Variants in PABPC4 observed in about 807,000 individuals in gnomAD.
PABPC4 encodes poly(A) binding protein cytoplasmic 4.
In PABPC4, 15 loss-of-function variants were observed where a neutral mutation model predicts 74.5. That is an observed-to-expected ratio of 0.20 (90% CI 0.13 to 0.31). The LOEUF is 0.31. PABPC4 is among the 10% of genes least tolerant of loss of function. The pLI, the probability that PABPC4 is intolerant of heterozygous loss-of-function variation, is 1.00. For missense variants in PABPC4, 610 were observed against 853.5 expected, an observed-to-expected ratio of 0.71 and a Z score of 3.55; for synonymous variants, 345 against 303.0, an observed-to-expected ratio of 1.14 and a Z score of -1.44.
chr1:39,569,175 G>C (rs1645897518), intron 5 of PABPC4, among the ~76,000 whole-genome samples: 1 of 152,216 alleles, frequency 6.6e-6, no homozygotes, highest in South Asian at 2.1e-4. Context: ...CAAGTGTGCT[G>C]ACATGAGCCT....
intron 5 of PABPC4, 61 bp downstream of exon 5, chr1:39,569,530 AAGAC>A: frequency 8.7e-7 from 1 of 1,148,116 alleles, no homozygotes; most frequent in Non-Finnish European, 1.3e-6. Context: ...AGGTGCTAGC[AAGAC>A]CCTACCCATA....
chr1:39,568,154 G>C, intron 6 of PABPC4: 1 of 234,746 alleles, frequency 4.3e-6, no homozygotes, highest in Non-Finnish European at 8.3e-6. Context: ...CTACTCAGGA[G>C]GCTAAGGCAG....
chr1:39,575,078 C>T (rs1412517097), intron 1 of PABPC4, among the ~76,000 whole-genome samples: 1 of 152,212 alleles, frequency 6.6e-6, no homozygotes, highest in Non-Finnish European at 1.5e-5. Flanking sequence ...TCAAGTGACG[C>T]TTCCCTAAAC....
Position 39,576,155 on chromosome 1 carries a change from G to A in PABPC4, c.-204C>T, listed in dbSNP as rs1646023414. 1 of 502,542 alleles carries A rather than the reference G, an allele frequency of 2.0e-6. No individual in the cohort carries two copies. Among genetic ancestry groups the A allele is most frequent in the Non-Finnish European group, 3.5e-6 (1 of 284,566 alleles). The allele number at this position is 502,542 out of a possible 1,614,324, so 31.1% of individuals were successfully genotyped here. ...CGGCTCCCACGGCCGCAGCACCGCA[G>A]ACAAAAGGCTCTCCGCACAATACGG... On this transcript the variant is annotated 5_prime_UTR_variant, in exon 1 of 16. Coordinates refer to ENST00000372858, the MANE Select transcript of PABPC4 (RefSeq NM_001135653.2).
At chr1:39,574,934 C>T (rs1049870493) in intron 1 of PABPC4, among the ~76,000 whole-genome samples, 1 of 152,268 alleles carries the variant, frequency 6.6e-6, no homozygotes, top group South Asian at 2.1e-4. Context: ...TGCTGGGAGT[C>T]CTAACTTGGC....
chr1:39,563,473 G>T, intron 12 of PABPC4, 141 bp downstream of exon 12: 1 of 1,088,832 alleles, frequency 9.2e-7, no homozygotes, highest in Non-Finnish European at 1.3e-6. Flanking sequence ...CCCCTGAAGG[G>T]CAGGGACAGT....
Position 39,576,067 on chromosome 1 carries a change from G to A in PABPC4, c.-116C>T. ...GCGCCGCGGCTCACAGGTGGCACCG[G>A]CGCGGCGAGGACGAGCTGGAGTCGG... On this transcript the variant is annotated 5_prime_UTR_variant, in exon 1 of 16. Transcript: ENST00000372858. 1.5e-6 allele frequency: 1 copy of A among 687,884 alleles called. No homozygotes were observed. Among genetic ancestry groups the A allele is most frequent in the East Asian group, 3.3e-5 (1 of 30,260 alleles). 42.6% of individuals were successfully genotyped at this position (687,884 alleles called of 1,614,324 possible).
rs9820 is a variant in PABPC4 at position 39,565,206 on chromosome 1, T to C, written c.1145A>G (p.Tyr382Cys). Reference protein sequence around the residue: ...EERKAHLTNQYMQRVAGMRAL... With the variant: ...EERKAHLTNQCMQRVAGMRAL... Reference sequence around the variant, plus strand: ...TCTCATTCCAGCCACTCGTTGCATATACTGGTTGGTCAGGTGAGCCTTTCT... The same window carrying C: ...TCTCATTCCAGCCACTCGTTGCATACACTGGTTGGTCAGGTGAGCCTTTCT... The change falls in exon 8 of 16, where the codon TAT becomes TGT. Residue 382 changes from tyrosine to cysteine, a missense_variant. By Grantham distance (194) the Tyr-to-Cys change is radical. Around this residue, in one of 4 missense-constraint regions of PABPC4, gnomAD observed 277 missense variants for 301.8 expected, o/e 0.92. Transcript: ENST00000372858. 1 of 1,614,204 alleles carries C rather than the reference T, an allele frequency of 6.2e-7. No individual in the cohort carries two copies. Among genetic ancestry groups the C allele is most frequent in the Non-Finnish European group, 8.5e-7 (1 of 1,180,030 alleles).
At chr1:39,566,674 G>A (rs1177198683) in intron 7 of PABPC4, among the ~76,000 whole-genome samples, 1 of 152,156 alleles carries the variant, frequency 6.6e-6, no homozygotes, top group African/African-American at 2.4e-5. Context: ...GGGCCAGTAA[G>A]GTATGTGAAT....
chr1:39,572,668 G>A, intron 1 of PABPC4, 82 bp from the exon 2 acceptor site: 1 of 1,044,374 alleles, frequency 9.6e-7, no homozygotes, highest in Non-Finnish European at 1.4e-6. Context: ...ATTACTCCAG[G>A]ACTTTTCAAG....
At chr1:39,567,906 T>G (rs1362512502) in intron 6 of PABPC4, 60 bp from the exon 7 acceptor site, 1 of 1,026,072 alleles carries the variant, frequency 9.7e-7, no homozygotes, top group Admixed American at 2.0e-5. Context: ...CCTAAGAAAG[T>G]GGTTCCCCAA....
Position 39,564,733 on chromosome 1 carries a change from G to T in PABPC4, c.1286C>A (p.Ala429Glu). Residue 429 changes from alanine (A) to glutamate (E), a missense_variant, in exon 9 of 16, where the codon GCA becomes GAA. Ala to Glu is a moderately radical substitution (Grantham distance 107, BLOSUM62 -1). Around this residue, in one of 4 missense-constraint regions of PABPC4, gnomAD observed 277 missense variants for 301.8 expected, o/e 0.92. Coordinates refer to ENST00000372858, the MANE Select transcript of PABPC4 (RefSeq NM_001135653.2). ...RPPYYTPNQL[A>E]QMRPNPRWQQ... ...CCAGCGTGGATTAGGCCTCATCTGT[G>T]CTAACTGGTTAGGTGTATAATATGG... 6.2e-7 allele frequency: 1 copy of T among 1,614,128 alleles called. No individual in the cohort carries two copies. Among genetic ancestry groups the T allele is most frequent in the Non-Finnish European group, 8.5e-7 (1 of 1,180,014 alleles).
At chr1:39,565,039 C>T (rs1315671433) in intron 8 of PABPC4, 67 bp downstream of exon 8, 45 of 1,547,122 alleles carry the variant, frequency 2.9e-5, no homozygotes, top group Admixed American at 1.0e-4. Flanking sequence ...AAATCCCTCT[C>T]CCCAACCACT....
rs186881656 is a variant in PABPC4, at chr1:39,561,029, A to G, written c.*107T>C. 318 of 410,148 alleles carry G rather than the reference A, an allele frequency of 7.8e-4. No individual in the cohort carries two copies. Among genetic ancestry groups the G allele is most frequent in the Non-Finnish European group, 1.2e-3 (239 of 195,566 alleles). 25.4% of individuals were successfully genotyped at this position (410,148 alleles called of 1,614,324 possible). A position where few individuals can be genotyped will look rare whatever the true frequency, so the allele number is the denominator to read the frequency against. The stretch of plus-strand genomic sequence containing the variant: ...TACAAAATGACCTATTAAATTTGCA[A>G]TTTGTAATCCTTGGTGTTGAGGTCC... On this transcript the variant is annotated 3_prime_UTR_variant, in exon 16 of 16. Transcript: ENST00000372858.
At chr1:39,562,758 A>G in intron 12 of PABPC4, 1 of 227,190 alleles carries the variant, frequency 4.4e-6, no homozygotes, top group Non-Finnish European at 8.6e-6. Context: ...CTTGATATAA[A>G]TAAGGGTAAA....
rs1354606228 is a variant in PABPC4, at chr1:39,564,557, AAT to A, written c.1334-17_1334-16del. On this transcript the variant is annotated splice_polypyrimidine_tract_variant and intron_variant, in intron 9 of 15. Coordinates refer to ENST00000372858, the MANE Select transcript of PABPC4 (RefSeq NM_001135653.2). ...TCCTTGGAAGCCTGGTGAAGAGAAAAATTGCACATCATTGAGAAGTGATGTGG... is the reference window on the plus strand; with the variant it reads ...TCCTTGGAAGCCTGGTGAAGAGAAAATGCACATCATTGAGAAGTGATGTGG... The A allele has an allele frequency of 6.2e-7, 1 of 1,613,902 alleles. No homozygotes were observed. The highest frequency in any genetic ancestry group is 8.5e-7 in the Non-Finnish European group (1 of 1,179,888).
intron 12 of PABPC4, chr1:39,563,038 A>C (rs1427128585): frequency 6.5e-6 from 1 of 153,812 alleles, no homozygotes; most frequent in African/African-American, 2.4e-5. Flanking sequence ...GTTAAAGAGT[A>C]ATCTCCTAAG....
chr1:39,565,587 TG>T (rs1047613969), intron 7 of PABPC4, among the ~76,000 whole-genome samples: 1 of 152,112 alleles, frequency 6.6e-6, no homozygotes, highest in Non-Finnish European at 1.5e-5. Flanking sequence ...CCCAGCACTT[TG>T]GGAGGCCGAG....
At chr1:39,571,464 A>G in intron 2 of PABPC4, 115 bp from the exon 3 acceptor site, 3 of 1,192,816 alleles carry the variant, frequency 2.5e-6, no homozygotes, top group Non-Finnish European at 3.6e-6. Flanking sequence ...AATGGTGGTC[A>G]AGTACACCAG....
Sources: gnomAD v4.1 joint callset for allele counts (sites outside exome capture counted in the v4.1 genomes callset) on GRCh38, gnomAD v4.1.1 for gene constraint, gnomAD v4.1.1 regional missense constraint, MANE v1.5 for transcripts, NCBI Gene and HGNC (gene_info 2026-07-23, HGNC 2026-07-21) for gene names.